The following ADAMTS6 variants were observed in gnomAD, a reference collection of about 807,000 sequenced individuals.
The protein encoded by ADAMTS6 is A disintegrin and metalloproteinase with thrombospondin motifs 6.
In ADAMTS6, 23 loss-of-function variants were observed where a neutral mutation model predicts 144.3. The ratio of observed to expected loss-of-function variants is 0.16; its 90% confidence interval spans 0.11 to 0.23. The LOEUF is 0.23. ADAMTS6 is among the 10% of genes least tolerant of loss of function. The probability of loss-of-function intolerance (pLI) is 1.00; values close to 1 mark genes in which losing one functional copy is unlikely to be tolerated. For synonymous variants in ADAMTS6, 444 were observed against 457.5 expected (o/e 0.97, Z 0.38); for missense variants, 999 against 1,379.6 (o/e 0.72, Z 4.37).
At chr5:65,464,624 A>T (rs546086691) in intron 3 of ADAMTS6, among the ~76,000 whole-genome samples, 1 of 152,266 alleles carries the variant, frequency 6.6e-6, no homozygotes, top group South Asian at 2.1e-4. Flanking sequence ...ACCTAGTTTA[A>T]AAACTAATGA....
chr5:65,409,585 A>G (rs1425277714), intron 7 of ADAMTS6, among the ~76,000 whole-genome samples: 1 of 152,212 alleles, frequency 6.6e-6, no homozygotes, highest in African/African-American at 2.4e-5. Flanking sequence ...AGGAGTTGGT[A>G]CCATTCCTTC....
chr5:65,366,527 T>C (rs936403390), intron 7 of ADAMTS6, among the ~76,000 whole-genome samples: 1 of 152,158 alleles, frequency 6.6e-6, no homozygotes, highest in South Asian at 2.1e-4. Context: ...CTGTTACTAA[T>C]TTTTTTAGCC....
chr5:65,473,879 A>G lies in ADAMTS6; in HGVS notation c.-206T>C, dbSNP rs1256051458. Reference sequence around the variant, plus strand: ...TCATTTTCTCAATCCAAAATGAAAAAAATAATGATGGTAAAAGTTTTCATA... The same window carrying G: ...TCATTTTCTCAATCCAAAATGAAAAGAATAATGATGGTAAAAGTTTTCATA... On this transcript the variant is annotated 5_prime_UTR_variant, in exon 2 of 25. Transcript: ENST00000381055. 4 of 535,438 alleles carry G rather than the reference A, an allele frequency of 7.5e-6. No individual in the cohort carries two copies. The highest frequency in any genetic ancestry group is 1.0e-5 in the Non-Finnish European group (3 of 300,612). 33.2% of individuals were successfully genotyped at this position (535,438 alleles called of 1,614,324 possible).
intron 12 of ADAMTS6, among the ~76,000 whole-genome samples, chr5:65,272,246 T>C (rs1762111619): frequency 6.6e-6 from 1 of 152,194 alleles, no homozygotes; most frequent in Non-Finnish European, 1.5e-5. Context: ...TTATTGCAAA[T>C]TCAGTCTATA....
chr5:65,431,900 C>T (rs1177428942), intron 7 of ADAMTS6, among the ~76,000 whole-genome samples: 1 of 151,954 alleles, frequency 6.6e-6, no homozygotes, highest in Non-Finnish European at 1.5e-5. Context: ...ATTCTTAAAG[C>T]TGTATATACT....
At chr5:65,304,718 C>A (rs1364956487) in intron 9 of ADAMTS6, among the ~76,000 whole-genome samples, 1 of 151,904 alleles carries the variant, frequency 6.6e-6, no homozygotes, top group Non-Finnish European at 1.5e-5. Context: ...GGCGTGAGCC[C>A]CCATATCTGG....
At chr5:65,336,156 T>C (rs1469971521) in intron 7 of ADAMTS6, among the ~76,000 whole-genome samples, 1 of 152,042 alleles carries the variant, frequency 6.6e-6, no homozygotes, top group Non-Finnish European at 1.5e-5. Flanking sequence ...TGAGTATATA[T>C]ACAGATTGAG....
chr5:65,443,338 G>C lies in ADAMTS6; in HGVS notation c.1073+8137C>G, dbSNP rs141801981. Among the ~76,000 whole-genome samples the C allele has an allele frequency of 1.9e-3, 293 of 152,092 alleles. 1 individual carries two copies. Among genetic ancestry groups the C allele is most frequent in the African/African-American group, 5.6e-3 (233 of 41,480 alleles). On this transcript the variant is annotated intron_variant, in intron 7 of 24. Transcript: ENST00000381055. ...ATCTTAAGAATGAAAGGTTGTTTTG[G>C]CCAGGCACAGTGTGGCTCATGCCTG...
At chr5:65,197,220 T>G in intron 20 of ADAMTS6, 69 bp from the exon 21 acceptor site, 2 of 1,547,044 alleles carry the variant, frequency 1.3e-6, no homozygotes, top group Non-Finnish European at 1.8e-6. Context: ...ATGCATAGCT[T>G]TCCTCTGTGG....
At position 65,215,307 on chromosome 5, in the gene ADAMTS6, G is replaced by A. The variant is rs1756834816; in HGVS notation, c.2436+17C>T. The A allele has an allele frequency of 1.2e-6, 2 of 1,610,964 alleles. No individual in the cohort carries two copies. The highest frequency in any genetic ancestry group is 4.5e-5 in the East Asian group (2 of 44,824). On this transcript the variant is annotated intron_variant, in intron 19 of 24. Transcript: ENST00000381055. The stretch of plus-strand genomic sequence containing the variant: ...GAATTAAAAACAGAAGAAATACAAT[G>A]GCAAAGACGCATTTACCATGACGAT...
intron 8 of ADAMTS6, among the ~76,000 whole-genome samples, chr5:65,332,300 T>TAC (rs1561433603): frequency 8.7e-6 from 1 of 114,444 alleles, no homozygotes; most frequent in Non-Finnish European, 2.0e-5. Context: ...TATATATATA[T>TAC]ATATATATAT....
intron 22 of ADAMTS6, among the ~76,000 whole-genome samples, chr5:65,178,856 C>T (rs1429029485): frequency 6.6e-6 from 1 of 152,190 alleles, no homozygotes; most frequent in Non-Finnish European, 1.5e-5. Flanking sequence ...AAGTTTGCAA[C>T]ACCCTAAACC....
intron 7 of ADAMTS6, among the ~76,000 whole-genome samples, chr5:65,425,741 T>C (rs1185030391): frequency 6.6e-6 from 1 of 152,110 alleles, no homozygotes; most frequent in African/African-American, 2.4e-5. Flanking sequence ...GACAAATGTA[T>C]TGCATGACTT....
intron 7 of ADAMTS6, among the ~76,000 whole-genome samples, chr5:65,347,795 G>T (rs1255434140): frequency 6.6e-6 from 1 of 151,826 alleles, no homozygotes; most frequent in Non-Finnish European, 1.5e-5. Context: ...TCAATGGCAA[G>T]AAAACTAATC....
rs572231482 is a variant in ADAMTS6, at chr5:65,283,454, T to TA, written c.1512+7874dup. 7.1e-3 allele frequency among the ~76,000 whole-genome samples: 1,076 copies of TA among 151,264 alleles called. 11 individuals carry two copies. Among genetic ancestry groups the TA allele is most frequent in the Non-Finnish European group, 7.0e-3 (473 of 67,752 alleles). ...AAGTATTCAAAACTGACTAAATGGT[T>TA]AAAAAAAAGAAAAGAAAAGAAAAAA... On this transcript the variant is annotated intron_variant, in intron 11 of 24. Coordinates refer to ENST00000381055, the MANE Select transcript of ADAMTS6 (RefSeq NM_197941.4).
intron 14 of ADAMTS6, among the ~76,000 whole-genome samples, chr5:65,254,938 A>G (rs1004309191): frequency 1.3e-5 from 2 of 152,230 alleles, no homozygotes; most frequent in African/African-American, 4.8e-5. Context: ...GGTACATAGT[A>G]GTGCTCAGTA....
At chr5:65,176,109 A>G (rs1015591270) in intron 22 of ADAMTS6, among the ~76,000 whole-genome samples, 4 of 143,700 alleles carry the variant, frequency 2.8e-5, no homozygotes, top group Non-Finnish European at 4.6e-5. Flanking sequence ...TCATCTTCGG[A>G]AAAAAAAGGG....
intron 18 of ADAMTS6, among the ~76,000 whole-genome samples, chr5:65,216,463 G>A (rs1756925346): frequency 6.6e-6 from 1 of 151,868 alleles, no homozygotes; most frequent in South Asian, 2.1e-4. Context: ...CTGCTTAATG[G>A]ATATGGGTTT....
intron 7 of ADAMTS6, among the ~76,000 whole-genome samples, chr5:65,409,749 T>C (rs971068056): frequency 1.3e-5 from 2 of 152,176 alleles, no homozygotes; most frequent in African/African-American, 2.4e-5. Context: ...AAATCCTCAA[T>C]AAAATACTGG....
Sources: gnomAD v4.1 joint callset for allele counts (sites outside exome capture counted in the v4.1 genomes callset) on GRCh38, gnomAD v4.1.1 for gene constraint, MANE v1.5 for transcripts, NCBI Gene and HGNC (gene_info 2026-07-23, HGNC 2026-07-21) for gene names.